Variants in CSPP1 observed in about 807,000 individuals in gnomAD.
The protein encoded by CSPP1 is centrosome and spindle pole-associated protein 1.
In CSPP1, 126 loss-of-function variants were observed where a neutral mutation model predicts 164.4. That is an observed-to-expected ratio of 0.77 (90% CI 0.66 to 0.89). CSPP1 has a LOEUF of 0.89. Ranked by LOEUF, CSPP1 falls within the 40% of genes least tolerant of loss-of-function variation. The pLI is 0.00. For synonymous variants in CSPP1, 472 were observed against 476.7 expected (o/e 0.99, Z 0.13); for missense variants, 1,395 against 1,449.8 (o/e 0.96, Z 0.61).
chr8:67,179,714 C>A, intron 27 of CSPP1, 149 bp from the exon 28 acceptor site: 1 of 574,176 alleles, frequency 1.7e-6, no homozygotes, highest in Non-Finnish European at 3.1e-6. Context: ...CCAGTATTTT[C>A]TGAGCATTGG....
At chr8:67,114,532 T>C (rs1817536636) in intron 12 of CSPP1, 162 bp downstream of exon 12, 1 of 152,540 alleles carries the variant, frequency 6.6e-6, no homozygotes, top group South Asian at 2.1e-4. Context: ...ATTATTTACC[T>C]GTAGGCAACT....
intron 13 of CSPP1, among the ~76,000 whole-genome samples, chr8:67,116,853 T>C (rs1189431723): frequency 6.6e-6 from 1 of 152,170 alleles, no homozygotes; most frequent in Non-Finnish European, 1.5e-5. Flanking sequence ...ATTGATATTT[T>C]CTGGACTGTA....
chr8:67,193,650 T>C (rs749019476), intron 30 of CSPP1, 48 bp downstream of exon 30: 39 of 1,527,380 alleles, frequency 2.6e-5, no homozygotes, highest in Non-Finnish European at 3.4e-5. Context: ...GTATGAACTT[T>C]TAAACTTTCT....
At chr8:67,134,082 G>T (rs1176945827) in intron 16 of CSPP1, 1 of 152,116 alleles carries the variant, frequency 6.6e-6, no homozygotes, top group East Asian at 1.9e-4. Context: ...ATCCATTAGG[G>T]TCAACTTCTT....
intron 17 of CSPP1, among the ~76,000 whole-genome samples, chr8:67,146,176 G>A (rs1824519796): frequency 7.2e-6 from 1 of 139,576 alleles, no homozygotes; most frequent in Non-Finnish European, 1.5e-5. Flanking sequence ...AGGCTGTAAT[G>A]CAATGGCACG....
chr8:67,136,993 A>G (rs1822444728), intron 16 of CSPP1, among the ~76,000 whole-genome samples: 2 of 151,974 alleles, frequency 1.3e-5, no homozygotes, highest in African/African-American at 4.8e-5. Context: ...TAATGTTATT[A>G]TTTAAAGACA....
intron 15 of CSPP1, among the ~76,000 whole-genome samples, chr8:67,126,792 T>TAAAA (rs1820163245): frequency 6.6e-6 from 1 of 152,126 alleles, no homozygotes; most frequent in African/African-American, 2.4e-5. Flanking sequence ...TTGTCAGTCT[T>TAAAA]TTGCTTGCCC....
In CSPP1 at chr8:67,116,042, A is replaced by G. The variant is rs747901737; in HGVS notation, c.1416A>G (p.Pro472=). 6.8e-6 allele frequency: 11 copies of G among 1,613,920 alleles called. No individual in the cohort carries two copies. In the East Asian group the frequency reaches 2.5e-4, roughly 36 times the overall value. ...PLSAPSVPPI[P]SVHPVPSQNE... ...CTGCCCCATCTGTCCCACCCATCCC[A>G]TCAGTTCATCCTGTTCCTTCTCAAA... Residue 472 remains proline, a synonymous_variant, in exon 13 of 31, where the codon CCA becomes CCG. Coordinates refer to ENST00000678616, the MANE Select transcript of CSPP1 (RefSeq NM_001382391.1).
chr8:67,179,689 G>A (rs895358701), intron 27 of CSPP1, among the ~76,000 whole-genome samples, 174 bp from the exon 28 acceptor site: 7 of 152,196 alleles, frequency 4.6e-5, no homozygotes, highest in African/African-American at 1.7e-4. Context: ...TAGGAATTGT[G>A]TGTGTTAAGG....
intron 18 of CSPP1, among the ~76,000 whole-genome samples, chr8:67,152,970 G>A (rs1487768256): frequency 6.6e-6 from 1 of 152,174 alleles, no homozygotes; most frequent in African/African-American, 2.4e-5. Context: ...GGCCGAGGCG[G>A]GCGGATCATC....
Position 67,149,947 on chromosome 8 carries a change from C to A in CSPP1, c.2128+12C>A. On this transcript the variant is annotated intron_variant, in intron 18 of 30. Transcript: ENST00000678616. ...AAATAAAAGCTCAGGTTTTTAATCA[C>A]TTTTTTTTTTTTTTTTTTTTTTTTA... The A allele has an allele frequency of 5.9e-5, 67 of 1,139,070 alleles. No individual in the cohort carries two copies. Among genetic ancestry groups the A allele is most frequent in the African/African-American group, 6.6e-5 (3 of 45,210 alleles). 70.6% of individuals were successfully genotyped at this position (1,139,070 alleles called of 1,614,324 possible).
intron 28 of CSPP1, among the ~76,000 whole-genome samples, chr8:67,184,744 TATA>T (rs377423199): frequency 3.6e-4 from 51 of 142,504 alleles, no homozygotes; most frequent in African/African-American, 9.5e-4. Flanking sequence ...AATAAAAAAA[TATA>T]ATAATAATAA....
intron 7 of CSPP1, among the ~76,000 whole-genome samples, chr8:67,102,406 A>G (rs1563558169): frequency 1.3e-5 from 2 of 152,190 alleles, no homozygotes; most frequent in Non-Finnish European, 2.9e-5. Context: ...CCTGGCCAAC[A>G]TGGTGAAACC....
intron 15 of CSPP1, among the ~76,000 whole-genome samples, chr8:67,130,527 T>A (rs1263988908): frequency 6.6e-6 from 1 of 152,214 alleles, no homozygotes; most frequent in African/African-American, 2.4e-5. Flanking sequence ...TTTGATCTAG[T>A]TTACCTCATC....
chr8:67,191,507 C>T (rs1173830817), intron 29 of CSPP1, among the ~76,000 whole-genome samples: 1 of 152,178 alleles, frequency 6.6e-6, no homozygotes, highest in Non-Finnish European at 1.5e-5. Context: ...CTTTTCTGGA[C>T]ATTTCGTATA....
intron 17 of CSPP1, among the ~76,000 whole-genome samples, chr8:67,138,032 T>C (rs1822707537): frequency 6.6e-6 from 1 of 152,190 alleles, no homozygotes; most frequent in African/African-American, 2.4e-5. Flanking sequence ...ATCTATGCAA[T>C]ATACCTGCTA....
intron 1 of CSPP1, among the ~76,000 whole-genome samples, chr8:67,067,250 G>A (rs992756116): frequency 6.6e-6 from 1 of 152,192 alleles, no homozygotes; most frequent in African/African-American, 2.4e-5. Context: ...GGCAAACTCA[G>A]TTTTAACTGG....
intron 24 of CSPP1, among the ~76,000 whole-genome samples, chr8:67,168,589 CAT>C (rs1325193017): frequency 1.3e-5 from 2 of 152,006 alleles, no homozygotes; most frequent in African/African-American, 2.4e-5. Context: ...AGTTATAAAA[CAT>C]GTTACATTTA....
At chr8:67,073,536 G>A (rs1004642155) in intron 1 of CSPP1, among the ~76,000 whole-genome samples, 1 of 152,066 alleles carries the variant, frequency 6.6e-6, no homozygotes. Context: ...ATGGGATCCC[G>A]AATTAGAAAG....
Sources: allele counts gnomAD v4.1 joint callset (sites outside exome capture counted in the v4.1 genomes callset), GRCh38; gene constraint gnomAD v4.1.1; transcripts MANE v1.5; gene names NCBI Gene and HGNC (gene_info 2026-07-23, HGNC 2026-07-21).